Variants in PTCHD1 observed in about 807,000 individuals in gnomAD.
PTCHD1 encodes the protein patched domain-containing protein 1.
PTCHD1 carries 3 observed loss-of-function variants against 34.6 expected under a neutral mutation model. That is an observed-to-expected ratio of 0.09 (90% CI 0.04 to 0.22). The LOEUF is 0.22. PTCHD1 is among the 10% of genes least tolerant of loss of function. PTCHD1 has a pLI of 1.00. For missense variants in PTCHD1, 504 were observed against 685.5 expected, an observed-to-expected ratio of 0.74 and a Z score of 2.96; for synonymous variants, 305 against 283.1, an observed-to-expected ratio of 1.08 and a Z score of -0.77.
chrX:23,343,663 AAAG>A (rs1469468197), intron 1 of PTCHD1, among the ~76,000 whole-genome samples: 3 of 112,266 alleles, frequency 2.7e-5, no homozygotes, highest in African/African-American at 9.7e-5. Context: ...GGCAAACTTA[AAAG>A]AAAATGATAC....
At chrX:23,334,821 C>G, upstream of PTCHD1, 1 of 825,433 alleles carries the variant, frequency 1.2e-6, no homozygotes, top group Non-Finnish European at 1.5e-6. Flanking sequence ...CGCCGCCGCC[C>G]GAACCCGCGC....
rs1275871960 is a variant in PTCHD1, at chrX:23,401,509, A to G, written c.*7324A>G. 1 of 112,736 alleles carries G rather than the reference A, an allele frequency of 8.9e-6. No individual in the cohort carries two copies. Among genetic ancestry groups the G allele is most frequent in the East Asian group, 2.8e-4 (1 of 3,608 alleles). 9.3% of individuals were successfully genotyped at this position (112,736 alleles called of 1,213,427 possible). ...CGTTGGCTCTGCTTCACACACACAC[A>G]TACACATTGACACACATAAATGTAC... On this transcript the variant is annotated 3_prime_UTR_variant, in exon 3 of 3. Coordinates refer to ENST00000379361, the MANE Select transcript of PTCHD1 (RefSeq NM_173495.3).
intron 1 of PTCHD1, among the ~76,000 whole-genome samples, chrX:23,338,182 CA>C (rs2146606534): frequency 8.9e-6 from 1 of 111,934 alleles, no homozygotes; most frequent in South Asian, 3.8e-4. Context: ...GGCAACGATG[CA>C]TTATTAGGCA....
intron 1 of PTCHD1, among the ~76,000 whole-genome samples, chrX:23,363,586 A>G (rs1922050763): frequency 8.9e-6 from 1 of 112,712 alleles, no homozygotes; most frequent in African/African-American, 3.2e-5. Context: ...GGAAAGGGAA[A>G]TCCCCTGACC....
At chrX:23,350,989 C>A in intron 1 of PTCHD1, 9 of 247,729 alleles carry the variant, frequency 3.6e-5, no homozygotes, top group East Asian at 1.3e-4. Context: ...AAAATGGAAT[C>A]CATATTTTCA....
rs778123955 is a variant in PTCHD1, at chrX:23,380,796, C to T, written c.1012+545C>T. Among the ~76,000 whole-genome samples the T allele has an allele frequency of 3.6e-5, 4 of 111,214 alleles. No homozygotes were observed. The East Asian group carries it at 8.6e-4, about 24-fold the overall frequency. Reference sequence around the variant, plus strand: ...AACACACCTCAGAGAGGTCCTCCCCCGGGGTGAGGAATTTGGGCTATTTTC... The same window carrying T: ...AACACACCTCAGAGAGGTCCTCCCCTGGGGTGAGGAATTTGGGCTATTTTC... On this transcript the variant is annotated intron_variant, in intron 2 of 2. Coordinates refer to ENST00000379361, the MANE Select transcript of PTCHD1 (RefSeq NM_173495.3).
At position 23,394,562 on chromosome X, in the gene PTCHD1, C is replaced by G. The variant is rs1213630912; in HGVS notation, c.*377C>G. The G allele has an allele frequency of 5.2e-5, 8 of 154,703 alleles. No individual in the cohort carries two copies. 12.7% of individuals were successfully genotyped at this position (154,703 alleles called of 1,213,427 possible). ...ATGTTGCTGGCATTGTGACAAAACC[C>G]ACTGATTGAAAGGTCAACTGCCAAG... On this transcript the variant is annotated 3_prime_UTR_variant, in exon 3 of 3. Coordinates refer to ENST00000379361, the MANE Select transcript of PTCHD1 (RefSeq NM_173495.3).
chrX:23,354,502 TA>T (rs914322269), intron 1 of PTCHD1, among the ~76,000 whole-genome samples: 5 of 75,795 alleles, frequency 6.6e-5, no homozygotes, highest in Non-Finnish European at 1.2e-4. Context: ...CACAAATATA[TA>T]TATATATATA....
intron 1 of PTCHD1, among the ~76,000 whole-genome samples, chrX:23,358,123 G>A (rs993919878): frequency 1.7e-4 from 19 of 111,738 alleles, no homozygotes; most frequent in African/African-American, 6.2e-4. Flanking sequence ...AAACATACGG[G>A]TGCATGTGTC....
In PTCHD1 at chrX:23,367,280, C is replaced by CA. The variant is rs1261353253; in HGVS notation, c.352-12309dup. Among the ~76,000 whole-genome samples the CA allele has an allele frequency of 2.7e-5, 3 of 112,177 alleles. No homozygotes were observed. In the Admixed American group the frequency reaches 2.8e-4, roughly 11 times the overall value. On this transcript the variant is annotated intron_variant, in intron 1 of 2. Coordinates refer to ENST00000379361, the MANE Select transcript of PTCHD1 (RefSeq NM_173495.3). ...CTTTATCAGCATGACTTCTGATTCT[C>CA]AACAAAGCAAAAAACCTCTGGCCTC...
chrX:23,340,433 A>G (rs2146607910), intron 1 of PTCHD1, among the ~76,000 whole-genome samples: 1 of 111,813 alleles, frequency 8.9e-6, no homozygotes, highest in East Asian at 2.8e-4. Flanking sequence ...CGAAGGGGCT[A>G]AGTTGACACT....
chrX:23,364,429 C>A (rs910656312), intron 1 of PTCHD1, among the ~76,000 whole-genome samples: 14 of 104,818 alleles, frequency 1.3e-4, no homozygotes, highest in Admixed American at 5.1e-4. Flanking sequence ...ATTCAGTGAC[C>A]CTGTCAGTAA....
At chrX:23,373,348 T>C (rs1332022470) in intron 1 of PTCHD1, among the ~76,000 whole-genome samples, 1 of 112,819 alleles carries the variant, frequency 8.9e-6, no homozygotes, top group African/African-American at 3.2e-5. Context: ...ATTGCATTAC[T>C]GACAGAGGTA....
chrX:23,360,020 C>T (rs1464773582), intron 1 of PTCHD1, among the ~76,000 whole-genome samples: 1 of 111,677 alleles, frequency 9.0e-6, no homozygotes, highest in African/African-American at 3.3e-5. Flanking sequence ...TGGTGGATAA[C>T]CTTTTTGATG....
At chrX:23,363,061 C>T (rs1372493773) in intron 1 of PTCHD1, among the ~76,000 whole-genome samples, 2 of 112,140 alleles carry the variant, frequency 1.8e-5, no homozygotes, top group Non-Finnish European at 3.8e-5. Context: ...AGGTGTCAGT[C>T]AGCCCCCACT....
chrX:23,334,862 C>G lies in PTCHD1; in HGVS notation c.-14C>G. ...GTGCGCCTCGCCCTCCTCCCGCGCC[C>G]GCTCTGCTCTAGGATGCTGCGGCAG... On this transcript the variant is annotated 5_prime_UTR_variant, in exon 1 of 3. Coordinates refer to ENST00000379361, the MANE Select transcript of PTCHD1 (RefSeq NM_173495.3). 8.7e-7 allele frequency: 1 copy of G among 1,151,832 alleles called. No individual in the cohort carries two copies. Among genetic ancestry groups the G allele is most frequent in the Non-Finnish European group, 1.2e-6 (1 of 861,503 alleles). The allele number at this position is 1,151,832 out of a possible 1,213,427, so 94.9% of individuals were successfully genotyped here. A position where few individuals can be genotyped will look rare whatever the true frequency, so the allele number is the denominator to read the frequency against.
chrX:23,335,053 C>T lies in PTCHD1; in HGVS notation c.178C>T (p.His60Tyr). The change falls in exon 1 of 3, where the codon CAC (histidine) becomes TAC (tyrosine). Residue 60 changes from histidine to tyrosine, a missense_variant. By Grantham distance (83) the His-to-Tyr change is moderately conservative. Coordinates refer to ENST00000379361, the MANE Select transcript of PTCHD1 (RefSeq NM_173495.3). The part of the protein sequence containing the change: ...ESVEHLLAPQ[H>Y]SLAKIERNLV... ...CGTGGAGCACCTGCTGGCGCCCCAG[C>T]ACAGCCTGGCCAAGATCGAGCGCAA... The T allele has an allele frequency of 1.7e-6, 2 of 1,211,113 alleles. No homozygotes were observed. The highest frequency in any genetic ancestry group is 2.2e-6 in the Non-Finnish European group (2 of 895,159).
Position 23,401,463 on chromosome X carries a change from C to G in PTCHD1, c.*7278C>G, listed in dbSNP as rs1923122311. 1 of 112,498 alleles carries G rather than the reference C, an allele frequency of 8.9e-6. No individual in the cohort carries two copies. The highest frequency in any genetic ancestry group is 3.2e-5 in the African/African-American group (1 of 30,922). 9.3% of individuals were successfully genotyped at this position (112,498 alleles called of 1,213,427 possible). ...CGATGCCTCCCAGGACTGTGGGTGA[C>G]TGGGCAAACTGGTAATGACCCGTTG... On this transcript the variant is annotated 3_prime_UTR_variant, in exon 3 of 3. Coordinates refer to ENST00000379361, the MANE Select transcript of PTCHD1 (RefSeq NM_173495.3).
intron 2 of PTCHD1, among the ~76,000 whole-genome samples, chrX:23,383,969 T>C (rs1922625935): frequency 8.9e-6 from 1 of 112,502 alleles, no homozygotes; most frequent in Non-Finnish European, 1.9e-5. Context: ...ACCATTATTC[T>C]CCAGTTGGGT....
Sources: allele counts gnomAD v4.1 joint callset (sites outside exome capture counted in the v4.1 genomes callset), GRCh38; gene constraint gnomAD v4.1.1; transcripts MANE v1.5; gene names NCBI Gene and HGNC (gene_info 2026-07-23, HGNC 2026-07-21).